SNTG1: variants seen among roughly 807,000 people sequenced by gnomAD.
SNTG1 encodes the protein syntrophin gamma 1.
A neutral mutation model predicts 74.7 loss-of-function variants in SNTG1; 39 were observed. The observed-to-expected ratio is 0.52, with a 90% CI of 0.40 to 0.68. SNTG1 has a LOEUF of 0.68. Ranked by LOEUF, SNTG1 falls within the 30% of genes least tolerant of loss-of-function variation. The pLI, the probability that SNTG1 is intolerant of heterozygous loss-of-function variation, is 0.00. For synonymous variants in SNTG1, 254 were observed against 217.1 expected (o/e 1.17, Z -1.49); for missense variants, 685 against 609.5 (o/e 1.12, Z -1.30).
intron 8 of SNTG1, among the ~76,000 whole-genome samples, chr8:50,463,309 C>T (rs561923239): frequency 5.9e-5 from 9 of 152,208 alleles, no homozygotes; most frequent in Admixed American, 5.2e-4. Context: ...GTGGTGAATC[C>T]TGTCCAGAAG....
intron 1 of SNTG1, among the ~76,000 whole-genome samples, chr8:50,033,877 C>T (rs1817939978): frequency 6.6e-6 from 1 of 152,032 alleles, no homozygotes; most frequent in African/African-American, 2.4e-5. Context: ...ATAAATGTTC[C>T]TATTATTTGG....
chr8:50,717,155 C>A (rs1456573913), intron 17 of SNTG1, among the ~76,000 whole-genome samples: 1 of 152,110 alleles, frequency 6.6e-6, no homozygotes, highest in East Asian at 1.9e-4. Context: ...TTCAAAAGGT[C>A]TTTGGCTAAT....
At chr8:50,760,310 C>G (rs1040174557) in intron 18 of SNTG1, among the ~76,000 whole-genome samples, 1 of 152,066 alleles carries the variant, frequency 6.6e-6, no homozygotes, top group Non-Finnish European at 1.5e-5. Context: ...TTGACTTATT[C>G]TATTCCTATT....
At chr8:49,991,801 G>A (rs566882403) in intron 1 of SNTG1, among the ~76,000 whole-genome samples, 1 of 152,130 alleles carries the variant, frequency 6.6e-6, no homozygotes, top group South Asian at 2.1e-4. Context: ...CAGCATATGG[G>A]GTAGAGAAGA....
chr8:50,229,609 A>G (rs2085513363), intron 2 of SNTG1, among the ~76,000 whole-genome samples: 1 of 151,572 alleles, frequency 6.6e-6, no homozygotes. Context: ...ATAGTTGTTA[A>G]AGATAAAAAT....
At chr8:50,562,479 G>A (rs2094494161) in intron 12 of SNTG1, among the ~76,000 whole-genome samples, 1 of 152,196 alleles carries the variant, frequency 6.6e-6, no homozygotes. Context: ...TCCAATAGCA[G>A]TGAAAGGCTG....
At chr8:50,525,451 C>T (rs754121734) in intron 9 of SNTG1, among the ~76,000 whole-genome samples, 1 of 152,008 alleles carries the variant, frequency 6.6e-6, no homozygotes, top group Non-Finnish European at 1.5e-5. Context: ...AAAATTATTT[C>T]TTTGAATAAG....
At chr8:50,655,885 A>G (rs1402279298) in intron 13 of SNTG1, among the ~76,000 whole-genome samples, 1 of 152,170 alleles carries the variant, frequency 6.6e-6, no homozygotes, top group Non-Finnish European at 1.5e-5. Context: ...GTTTGGAGCT[A>G]GCTGGGCTTG....
At chr8:50,492,356 T>C (rs2131890212) in intron 8 of SNTG1, among the ~76,000 whole-genome samples, 1 of 152,318 alleles carries the variant, frequency 6.6e-6, no homozygotes, top group East Asian at 1.9e-4. Context: ...CCACCAACAG[T>C]GTAAAAGCAA....
At chr8:50,631,839 T>C (rs1231099837) in intron 13 of SNTG1, among the ~76,000 whole-genome samples, 1 of 152,234 alleles carries the variant, frequency 6.6e-6, no homozygotes, top group African/African-American at 2.4e-5. Context: ...CTCTACGCTC[T>C]GTAGTGCAGA....
intron 5 of SNTG1, among the ~76,000 whole-genome samples, chr8:50,440,050 T>A (rs983669768): frequency 6.6e-6 from 1 of 151,622 alleles, no homozygotes; most frequent in Non-Finnish European, 1.5e-5. Context: ...ATAAAGCTTT[T>A]CATTTTAATA....
chr8:50,752,140 C>T, intron 18 of SNTG1, 29 bp downstream of exon 18: 1 of 1,248,564 alleles, frequency 8.0e-7, no homozygotes, highest in South Asian at 1.7e-5. Flanking sequence ...TCACATAACA[C>T]CTCTAACTAC....
At chr8:50,362,808 T>A (rs1389034539) in intron 2 of SNTG1, among the ~76,000 whole-genome samples, 1 of 152,162 alleles carries the variant, frequency 6.6e-6, no homozygotes, top group African/African-American at 2.4e-5. Flanking sequence ...ACTCTGGGTG[T>A]TAAATAAGGC....
At chr8:50,293,137 C>T (rs539438072) in intron 2 of SNTG1, among the ~76,000 whole-genome samples, 18 of 150,464 alleles carry the variant, frequency 1.2e-4, no homozygotes, top group African/African-American at 3.9e-4. Context: ...TGTCTTGTCA[C>T]GTGATTGTCT....
intron 5 of SNTG1, among the ~76,000 whole-genome samples, chr8:50,448,304 C>G (rs1398316550): frequency 6.6e-6 from 1 of 151,328 alleles, no homozygotes; most frequent in Non-Finnish European, 1.5e-5. Context: ...AGAAAGGACT[C>G]TACTTGCCAA....
intron 13 of SNTG1, among the ~76,000 whole-genome samples, chr8:50,637,779 T>C (rs1474855193): frequency 3.3e-5 from 5 of 152,144 alleles, no homozygotes; most frequent in African/African-American, 4.8e-5. Flanking sequence ...TAAAATAATG[T>C]ATCTAAAATA....
chr8:50,020,532 T>A (rs1215917007), intron 1 of SNTG1, among the ~76,000 whole-genome samples: 1 of 152,222 alleles, frequency 6.6e-6, no homozygotes, highest in East Asian at 1.9e-4. Flanking sequence ...ATATATTTTA[T>A]CTGTAAAATA....
Position 50,350,930 on chromosome 8 carries a change from G to A in SNTG1, c.-27-43282G>A, listed in dbSNP as rs543209746. ...CCGCCCAAACCAGCAGTGGCAACCC[G>A]TAGGTCCCCTTGGAGGCTGTGGAAG... is the stretch of plus-strand genomic sequence containing the variant. On this transcript the variant is annotated intron_variant, in intron 2 of 18. Transcript: ENST00000642720. 8.5e-5 allele frequency among the ~76,000 whole-genome samples: 13 copies of A among 152,326 alleles called. No individual in the cohort carries two copies. In the East Asian group the frequency reaches 1.5e-3, roughly 18 times the overall value.
chr8:50,673,597 A>T (rs1188092702), intron 15 of SNTG1, among the ~76,000 whole-genome samples: 4 of 152,134 alleles, frequency 2.6e-5, no homozygotes, highest in Non-Finnish European at 5.9e-5. Context: ...TGGGTTTTCT[A>T]AATATAGAAA....
Sources: gnomAD v4.1 joint callset for allele counts (sites outside exome capture counted in the v4.1 genomes callset) on GRCh38, gnomAD v4.1.1 for gene constraint, MANE v1.5 for transcripts, NCBI Gene and HGNC (gene_info 2026-07-23, HGNC 2026-07-21) for gene names.